Variants in NCAM1 observed in about 807,000 individuals in gnomAD.
The protein encoded by NCAM1 is neural cell adhesion molecule 1.
In NCAM1, 14 loss-of-function variants were observed where a neutral mutation model predicts 109.8. The ratio of observed to expected loss-of-function variants is 0.13; its 90% CI spans 0.08 to 0.20. NCAM1 has a LOEUF of 0.20. Among genes scored for constraint, NCAM1 ranks in the 10% least tolerant of loss-of-function variants. The probability of loss-of-function intolerance (pLI) is 1.00; values close to 1 mark genes in which losing one functional copy is unlikely to be tolerated. For missense variants in NCAM1, 774 were observed against 1,109.9 expected, an observed-to-expected ratio of 0.70 and a Z score of 4.30; for synonymous variants, 418 against 442.9, an observed-to-expected ratio of 0.94 and a Z score of 0.70.
intron 1 of NCAM1, among the ~76,000 whole-genome samples, chr11:112,997,935 C>G (rs1555071698): frequency 6.6e-6 from 1 of 152,146 alleles, no homozygotes; most frequent in Admixed American, 6.5e-5. Context: ...TTGCTTCGAT[C>G]CTTTCCAGTG....
chr11:113,238,790 G>A (rs1376165488), intron 14 of NCAM1, among the ~76,000 whole-genome samples: 1 of 152,204 alleles, frequency 6.6e-6, no homozygotes, highest in East Asian at 1.9e-4. Context: ...GGATGCAGAT[G>A]CACAGCAGGA....
At chr11:113,077,966 C>T (rs3943739) in intron 1 of NCAM1, among the ~76,000 whole-genome samples, 66,589 of 151,974 alleles carry the variant, frequency 0.44, 15,810 homozygotes, top group Middle Eastern at 0.56. Flanking sequence ...GAATTACAGG[C>T]GTGAGCCACC....
chr11:113,167,058 T>A (rs1942826027), intron 1 of NCAM1, among the ~76,000 whole-genome samples: 1 of 152,180 alleles, frequency 6.6e-6, no homozygotes. Context: ...TTGATAAACG[T>A]GTTGACAAAC....
intron 1 of NCAM1, among the ~76,000 whole-genome samples, chr11:113,032,592 A>G (rs1952755516): frequency 6.6e-6 from 1 of 152,232 alleles, no homozygotes; most frequent in African/African-American, 2.4e-5. Flanking sequence ...GTGCCCAGGC[A>G]GAAAAAGGAG....
At chr11:113,196,340 C>G (rs1216527856) in intron 1 of NCAM1, among the ~76,000 whole-genome samples, 25 of 152,184 alleles carry the variant, frequency 1.6e-4, no homozygotes, top group Admixed American at 1.6e-3. Context: ...TCTTTTATAT[C>G]TGAGATGTTC....
At chr11:112,974,932 G>T (rs895622885) in intron 1 of NCAM1, among the ~76,000 whole-genome samples, 1 of 151,904 alleles carries the variant, frequency 6.6e-6, no homozygotes, top group African/African-American at 2.4e-5. Flanking sequence ...CTCCTTCAGG[G>T]TTTCTAATTG....
At chr11:113,000,038 G>A (rs1384381187) in intron 1 of NCAM1, among the ~76,000 whole-genome samples, 5 of 152,186 alleles carry the variant, frequency 3.3e-5, no homozygotes, top group African/African-American at 1.2e-4. Context: ...TTGTTACACA[G>A]ACGAAAGAGT....
In NCAM1 at chr11:113,054,807, C is replaced by T. The variant is rs537867588; in HGVS notation, c.52+93143C>T. On this transcript the variant is annotated intron_variant, in intron 1 of 19. Transcript: ENST00000316851. ...GCATTTGGGGCCCTCTCCGTGACTGCGATGATTAATTCAGAGTCTGAGGGA... is the reference window on the plus strand; with the variant it reads ...GCATTTGGGGCCCTCTCCGTGACTGTGATGATTAATTCAGAGTCTGAGGGA... Among the ~76,000 whole-genome samples, 78 of 151,994 alleles carry T rather than the reference C, an allele frequency of 5.1e-4. 2 individuals are homozygous for T. The South Asian group carries it at 0.016, about 31-fold the overall frequency.
At chr11:113,141,374 A>C (rs1466185923) in intron 1 of NCAM1, among the ~76,000 whole-genome samples, 1 of 152,188 alleles carries the variant, frequency 6.6e-6, no homozygotes, top group Non-Finnish European at 1.5e-5. Flanking sequence ...GCTCACACCT[A>C]TAATCCCAGC....
At position 112,961,590 on chromosome 11, in the gene NCAM1, T is replaced by A; in HGVS notation, c.-23T>A. On this transcript the variant is annotated 5_prime_UTR_variant, in exon 1 of 20. Transcript: ENST00000316851. ...CACAGAATTTACCGCGGCAAGAACA[T>A]CCCTCCCAGCCAGCAGATTACAATG... 8 of 1,410,834 alleles carry A rather than the reference T, an allele frequency of 5.7e-6. No individual in the cohort carries two copies. The highest frequency in any genetic ancestry group is 8.0e-6 in the Non-Finnish European group (8 of 998,192). The allele number at this position is 1,410,834 out of a possible 1,614,324, so 87.4% of individuals were successfully genotyped here. A position where few individuals can be genotyped will look rare whatever the true frequency, so the allele number is the denominator to read the frequency against.
intron 15 of NCAM1, among the ~76,000 whole-genome samples, chr11:113,254,063 A>C (rs1945771657): frequency 6.6e-6 from 1 of 152,222 alleles, no homozygotes; most frequent in Non-Finnish European, 1.5e-5. Flanking sequence ...CTTGATCTAA[A>C]ATCTATGCCA....
chr11:113,200,718 G>A (rs1944025327), intron 1 of NCAM1, among the ~76,000 whole-genome samples: 1 of 152,124 alleles, frequency 6.6e-6, no homozygotes, highest in Admixed American at 6.5e-5. Context: ...CCATCCTGAG[G>A]AGAATGACAG....
chr11:113,191,709 A>G (rs1943678991), intron 1 of NCAM1, among the ~76,000 whole-genome samples: 1 of 152,184 alleles, frequency 6.6e-6, no homozygotes, highest in Non-Finnish European at 1.5e-5. Flanking sequence ...AGAGATAGAT[A>G]GATACACATG....
In NCAM1 at chr11:113,246,488, T is replaced by G. The variant is rs1945506832; in HGVS notation, c.1828+118T>G. On this transcript the variant is annotated intron_variant, in intron 15 of 19. Coordinates refer to ENST00000316851, the MANE Select transcript of NCAM1 (RefSeq NM_181351.5). ...GCAAAGCCATTTGAGAGATTTCCTC[T>G]TGTTCTCAATTCACATCCAGAATTC... The G allele has an allele frequency of 1.0e-5, 7 of 670,734 alleles. No homozygotes were observed. In the East Asian group the frequency reaches 1.9e-4, roughly 18 times the overall value. The allele number at this position is 670,734 out of a possible 1,614,324, so 41.5% of individuals were successfully genotyped here. A position where few individuals can be genotyped will look rare whatever the true frequency, so the allele number is the denominator to read the frequency against.
chr11:113,255,890 A>G lies in NCAM1; in HGVS notation c.1842A>G (p.Ala614=). 6.2e-7 allele frequency: 1 copy of G among 1,612,712 alleles called. No individual in the cohort carries two copies. The highest frequency in any genetic ancestry group is 8.5e-7 in the Non-Finnish European group (1 of 1,179,492). The change falls in exon 16 of 20, where the codon GCA becomes GCG. Residue 614 remains alanine, a synonymous_variant. Transcript: ENST00000316851. Reference sequence around the variant, plus strand: ...TGGCTGTTTCAGGGGAACCCAGTGCACCTAAGCTCGAAGGGCAGATGGGAG... The same window carrying G: ...TGGCTGTTTCAGGGGAACCCAGTGCGCCTAAGCTCGAAGGGCAGATGGGAG... ...KTQPVQGEPS[A]PKLEGQMGED...
intron 1 of NCAM1, among the ~76,000 whole-genome samples, chr11:112,972,902 T>C (rs1188146992): frequency 6.6e-6 from 1 of 152,006 alleles, no homozygotes; most frequent in Non-Finnish European, 1.5e-5. Context: ...TCATGAAGCT[T>C]CCTGGGCGCA....
At chr11:113,019,374 C>T (rs1952315595) in intron 1 of NCAM1, among the ~76,000 whole-genome samples, 1 of 152,172 alleles carries the variant, frequency 6.6e-6, no homozygotes, top group African/African-American at 2.4e-5. Flanking sequence ...CCGAGGAGCT[C>T]GTAGTGCTAA....
intron 1 of NCAM1, among the ~76,000 whole-genome samples, chr11:113,141,147 C>G (rs1555100321): frequency 1.3e-5 from 2 of 152,142 alleles, no homozygotes; most frequent in Non-Finnish European, 1.5e-5. Context: ...TTGCATAAAT[C>G]CACTTAACAG....
At chr11:113,271,369 C>CAAAAAAAAAAAAAAAA (rs71060298) in intron 18 of NCAM1, among the ~76,000 whole-genome samples, 2 of 66,874 alleles carry the variant, frequency 3.0e-5, no homozygotes, top group African/African-American at 1.3e-4. Flanking sequence ...GACTCTGTCT[C>CAAAAAAAAAAAAAAAA]AAAAAAAAAA....
Sources: gnomAD v4.1 joint callset for allele counts (sites outside exome capture counted in the v4.1 genomes callset) on GRCh38, gnomAD v4.1.1 for gene constraint, MANE v1.5 for transcripts, NCBI Gene and HGNC (gene_info 2026-07-23, HGNC 2026-07-21) for gene names.